The following NLRP9 variants were observed in gnomAD, a reference collection of about 807,000 sequenced individuals.
The protein encoded by NLRP9 is NACHT, LRR and PYD domains-containing protein 9.
A neutral mutation model predicts 83.1 loss-of-function variants in NLRP9; 88 were observed. That is an observed-to-expected ratio of 1.06 (90% confidence interval 0.89 to 1.26). NLRP9 has a LOEUF of 1.26. Among genes scored for constraint, NLRP9 ranks in the 50% most tolerant of loss-of-function variants. The probability of loss-of-function intolerance (pLI) is 0.00; values close to 1 mark genes in which losing one functional copy is unlikely to be tolerated. For missense variants in NLRP9, 1,308 were observed against 1,179.3 expected (o/e 1.11, Z -1.60); for synonymous variants, 521 against 447.6 (o/e 1.16, Z -2.07).
rs537827210 is a variant in NLRP9 at position 55,729,840 on chromosome 19, C to T, written c.1985G>A (p.Arg662Gln). ...KALAQPVCKL[R>Q]KLIFTSVYFG... is the part of the protein sequence containing the mutation. ...TTAACATAAAACTTACATGAGTTTTCGGAGTTTACAAACAGGCTGAGCCAG... is the reference window on the plus strand; with the variant it reads ...TTAACATAAAACTTACATGAGTTTTTGGAGTTTACAAACAGGCTGAGCCAG... The change falls in exon 3 of 9, where the codon CGA (arginine) becomes CAA (glutamine). Residue 662 changes from arginine (R) to glutamine (Q), a missense_variant. By Grantham distance (43) the Arg-to-Gln change is conservative. Coordinates refer to ENST00000332836, the MANE Select transcript of NLRP9 (RefSeq NM_176820.4). 131 of 1,611,332 alleles carry T rather than the reference C, an allele frequency of 8.1e-5. No homozygotes were observed. The highest frequency in any genetic ancestry group is 3.0e-4 in the South Asian group (27 of 90,802).
chr19:55,732,089 G>C lies in NLRP9; in HGVS notation c.1742C>G (p.Ala581Gly). Residue 581 changes from alanine to glycine, a missense_variant, in exon 2 of 9, where the codon GCT becomes GGT. Coordinates refer to ENST00000332836, the MANE Select transcript of NLRP9 (RefSeq NM_176820.4). Reference sequence around the variant, plus strand: ...TTGACAATGCTTCAGGCAGAATGAAGCTATTACCAAATGTTCTATGTTACC... The same window carrying C: ...TTGACAATGCTTCAGGCAGAATGAACCTATTACCAAATGTTCTATGTTACC... ...YIGNIEHLVIASFCLKHCQHL... is the reference protein window; with the variant it reads ...YIGNIEHLVIGSFCLKHCQHL... 6.2e-7 allele frequency: 1 copy of C among 1,611,396 alleles called. No individual in the cohort carries two copies. Among genetic ancestry groups the C allele is most frequent in the South Asian group, 1.1e-5 (1 of 90,282 alleles).
In NLRP9 at chr19:55,732,277, G is replaced by A. The variant is rs765421550; in HGVS notation, c.1554C>T (p.Asp518=). ...GGCATTGGGTTATTTCCTGCTTTAG[G>A]TCTTTTGACAGTGGAAAACCAAAGG... The part of the protein sequence containing the change: ...ETSFGFPLSK[D]LKQEITQCLE... Residue 518 remains aspartate, a synonymous_variant, in exon 2 of 9, where the codon GAC becomes GAT. Transcript: ENST00000332836. 5 of 1,613,958 alleles carry A rather than the reference G, an allele frequency of 3.1e-6. No individual in the cohort carries two copies. The African/African-American group carries it at 5.3e-5, about 17-fold the overall frequency.
At chr19:55,714,431 C>T (rs567199434) in intron 6 of NLRP9, among the ~76,000 whole-genome samples, 1 of 152,216 alleles carries the variant, frequency 6.6e-6, no homozygotes, top group South Asian at 2.1e-4. Context: ...AGGTGAGTCA[C>T]CTGCACAAGC....
chr19:55,716,977 C>T (rs1291599802), intron 4 of NLRP9, 79 bp from the exon 5 acceptor site: 14 of 1,119,690 alleles, frequency 1.3e-5, no homozygotes, highest in African/African-American at 3.1e-5. Flanking sequence ...CCAAACGACA[C>T]CTCTGATTCT....
Position 55,709,025 on chromosome 19 carries a change from C to G in NLRP9, c.2863G>C (p.Asp955His), listed in dbSNP as rs779015854. 7 of 1,576,064 alleles carry G rather than the reference C, an allele frequency of 4.4e-6. No homozygotes were observed. The highest frequency in any genetic ancestry group is 4.2e-5 in the African/African-American group (3 of 72,288). Reference sequence around the variant, plus strand: ...ATCAGGATCTTCTGAGTTTCTTCATCAAAGCCAGATTTGTGCAGCCTGGGA... The same window carrying G: ...ATCAGGATCTTCTGAGTTTCTTCATGAAAGCCAGATTTGTGCAGCCTGGGA... ...QMLGLHKSGF[D>H]EETQKILMSV... is the part of the protein sequence containing the mutation. Residue 955 changes from aspartate (D) to histidine (H), a missense_variant, in exon 9 of 9, where the codon GAT becomes CAT. By Grantham distance (81) the Asp-to-His change is moderately conservative. Transcript: ENST00000332836.
chr19:55,716,806 T>G lies in NLRP9; in HGVS notation c.2252A>C (p.Glu751Ala). ...CATTCCTTCGTCCCTCAAGGGATTTTCTACCAAGGAGAGGTGTTTCAGCTT... is the reference window on the plus strand; with the variant it reads ...CATTCCTTCGTCCCTCAAGGGATTTGCTACCAAGGAGAGGTGTTTCAGCTT... The part of the protein sequence containing the change: ...NSKLKHLSLV[E>A]NPLRDEGMTL... The change falls in exon 5 of 9, where the codon GAA becomes GCA. Residue 751 changes from glutamate to alanine, a missense_variant. Physicochemically the swap from Glu to Ala is moderately radical, Grantham distance 107 (BLOSUM62 -1). Transcript: ENST00000332836. 6.2e-7 allele frequency: 1 copy of G among 1,613,952 alleles called. No individual in the cohort carries two copies. Among genetic ancestry groups the G allele is most frequent in the Admixed American group, 1.7e-5 (1 of 59,998 alleles).
chr19:55,708,906 T>TA lies in NLRP9; in HGVS notation c.*5_*6insT. On this transcript the variant is annotated 3_prime_UTR_variant, in exon 9 of 9. Coordinates refer to ENST00000332836, the MANE Select transcript of NLRP9 (RefSeq NM_176820.4). ...TTGTGAGACGACTACTTCAGGGTGT[T>TA]CCCCATCAGAGGAGCACACCCCTGA... The TA allele has an allele frequency of 1.3e-6, 2 of 1,533,048 alleles. No individual in the cohort carries two copies. The highest frequency in any genetic ancestry group is 8.7e-7 in the Non-Finnish European group (1 of 1,148,474). The allele number at this position is 1,533,048 out of a possible 1,614,324, so 95.0% of individuals were successfully genotyped here. A position where few individuals can be genotyped will look rare whatever the true frequency, so the allele number is the denominator to read the frequency against.
intron 3 of NLRP9, among the ~76,000 whole-genome samples, chr19:55,726,206 A>G (rs950653400): frequency 1.3e-5 from 2 of 152,308 alleles, no homozygotes; most frequent in East Asian, 3.9e-4. Context: ...AGCCAGCAGC[A>G]AACAATCGAG....
At position 55,712,630 on chromosome 19, in the gene NLRP9, G is replaced by A. The variant is rs199476229; in HGVS notation, c.2502-40C>T. The stretch of plus-strand genomic sequence containing the variant: ...GACACACAAATACGTACACTTATGA[G>A]GTCAATCATAACAGCCCACCTTATT... On this transcript the variant is annotated intron_variant, in intron 6 of 8. Coordinates refer to ENST00000332836, the MANE Select transcript of NLRP9 (RefSeq NM_176820.4). 10 of 1,552,512 alleles carry A rather than the reference G, an allele frequency of 6.4e-6. No homozygotes were observed. In the African/African-American group the frequency reaches 6.9e-5, roughly 11 times the overall value.
chr19:55,725,361 T>C (rs767092727), intron 3 of NLRP9, among the ~76,000 whole-genome samples: 6 of 152,198 alleles, frequency 3.9e-5, no homozygotes, highest in Non-Finnish European at 8.8e-5. Flanking sequence ...ACACAGAACT[T>C]GCTCTATGTG....
chr19:55,733,038 T>A lies in NLRP9; in HGVS notation c.793A>T (p.Met265Leu). The A allele has an allele frequency of 6.2e-7, 1 of 1,613,550 alleles. No homozygotes were observed. The highest frequency in any genetic ancestry group is 8.5e-7 in the Non-Finnish European group (1 of 1,179,902). The change falls in exon 2 of 9, where the codon ATG (methionine) becomes TTG (leucine). Residue 265 changes from methionine (M) to leucine (L), a missense_variant. Coordinates refer to ENST00000332836, the MANE Select transcript of NLRP9 (RefSeq NM_176820.4). The stretch of plus-strand genomic sequence containing the variant: ...ATAAGGAGAGAGGATTCTGGAAGCA[T>A]CTTTTTTTGCAACAAACTGCTCAGG... ...IILSSLLQKK[M>L]LPESSLLIAL...
chr19:55,737,999 C>T (rs927638191), intron 1 of NLRP9, 96 bp downstream of exon 1: 2 of 1,173,930 alleles, frequency 1.7e-6, no homozygotes, highest in Non-Finnish European at 1.3e-6. Context: ...CACACACATT[C>T]TCATCTGATG....
chr19:55,711,114 A>AT lies in NLRP9; in HGVS notation c.2843+685_2843+686insA, dbSNP rs796329908. On this transcript the variant is annotated intron_variant, in intron 8 of 8. Transcript: ENST00000332836. ...AAAACAAAACAAAACAAAACAAAAAAAAAACCTTAAACAACATATTGTGAA... is the reference window on the plus strand; with the variant it reads ...AAAACAAAACAAAACAAAACAAAAAATAAAACCTTAAACAACATATTGTGAA... 1.2e-3 allele frequency among the ~76,000 whole-genome samples: 179 copies of AT among 151,838 alleles called. 4 individuals carry two copies. The highest frequency in any genetic ancestry group is 4.0e-3 in the African/African-American group (165 of 41,338).
In NLRP9 at chr19:55,732,239, CTT is replaced by C; in HGVS notation, c.1590_1591del (p.Gln532MetfsTer2). ...GGCTTCCCTATCAGCTTCACATTGA[CTT>C]AAACTTTCAAGGCATTGGGTTATTT... On this transcript the variant is annotated frameshift_variant, in exon 2 of 9. Transcript: ENST00000332836. LOFTEE classifies it high-confidence loss of function. The C allele has an allele frequency of 6.2e-7, 1 of 1,614,094 alleles. No homozygotes were observed. Among genetic ancestry groups the C allele is most frequent in the Non-Finnish European group, 8.5e-7 (1 of 1,179,956 alleles).
In NLRP9 at chr19:55,712,579, C is replaced by G; in HGVS notation, c.2513G>C (p.Cys838Ser). 1.2e-6 allele frequency: 2 copies of G among 1,612,224 alleles called. No individual in the cohort carries two copies. The highest frequency in any genetic ancestry group is 1.7e-6 in the Non-Finnish European group (2 of 1,179,818). Residue 838 changes from cysteine (C) to serine (S), a missense_variant, in exon 7 of 9, where the codon TGT (cysteine) becomes TCT (serine). Physicochemically the swap from Cys to Ser is moderately radical, Grantham distance 112. Transcript: ENST00000332836. ...CTTACAGGAATCGGAAGTAAGGAAA[C>G]AGCCCATCAACCTGGGGAGGTGGAA... is the stretch of plus-strand genomic sequence containing the variant. ...CSIRELWLMG[C>S]FLTSDSCKDI... is the part of the protein sequence containing the mutation.
chr19:55,735,530 T>C lies in NLRP9; in HGVS notation c.281-1980A>G, dbSNP rs149923952. Among the ~76,000 whole-genome samples the C allele has an allele frequency of 7.8e-3, 1,191 of 152,306 alleles. 13 individuals are homozygous for C. The highest frequency in any genetic ancestry group is 0.027 in the African/African-American group (1,136 of 41,546). The stretch of plus-strand genomic sequence containing the variant: ...TGGCTCATAGCTTGATCTGTGTCTG[T>C]ATTACTCTACATTTTTCTTCTGCCC... On this transcript the variant is annotated intron_variant, in intron 1 of 8. Coordinates refer to ENST00000332836, the MANE Select transcript of NLRP9 (RefSeq NM_176820.4).
rs915367518 is a variant in NLRP9, at chr19:55,727,016, G to A, written c.1994+2815C>T. 2.0e-5 allele frequency among the ~76,000 whole-genome samples: 3 copies of A among 152,160 alleles called. No homozygotes were observed. In the East Asian group the frequency reaches 5.8e-4, roughly 29 times the overall value. On this transcript the variant is annotated intron_variant, in intron 3 of 8. Transcript: ENST00000332836. ...GTGTAAAATATCAATGAGTTGGGAG[G>A]TCAAGGCAGGTGGATCACATGAGGT...
At position 55,738,075 on chromosome 19, in the gene NLRP9, C is replaced by G. The variant is rs116837655; in HGVS notation, c.280+20G>C. The G allele has an allele frequency of 9.0e-4, 1,457 of 1,612,304 alleles. 13 individuals carry two copies. The African/African-American group carries it at 0.018, about 20-fold the overall frequency. On this transcript the variant is annotated intron_variant, in intron 1 of 8. Coordinates refer to ENST00000332836, the MANE Select transcript of NLRP9 (RefSeq NM_176820.4). ...CCCAGGCTTCCCCCATGGGTCCTCG[C>G]CCCATCATCCAGCACTTACTTCTCA...
In NLRP9 at chr19:55,724,234, G is replaced by C. The variant is rs923865188; in HGVS notation, c.1995-90C>G. On this transcript the variant is annotated intron_variant, in intron 3 of 8. Coordinates refer to ENST00000332836, the MANE Select transcript of NLRP9 (RefSeq NM_176820.4). ...TTGTACGATTCTTCCTGCCCTGAAT[G>C]CTGGGCCTCACCACACTGTTTCTGG... is the stretch of plus-strand genomic sequence containing the variant. 9.6e-6 allele frequency: 8 copies of C among 831,922 alleles called. No homozygotes were observed. The Admixed American group carries it at 2.2e-4, about 23-fold the overall frequency. 51.5% of individuals were successfully genotyped at this position (831,922 alleles called of 1,614,324 possible). A position where few individuals can be genotyped will look rare whatever the true frequency, so the allele number is the denominator to read the frequency against.
Sources: allele counts gnomAD v4.1 joint callset (sites outside exome capture counted in the v4.1 genomes callset), GRCh38; gene constraint gnomAD v4.1.1; transcripts MANE v1.5; gene names NCBI Gene and HGNC (gene_info 2026-07-23, HGNC 2026-07-21).